The following UNC80 variants were observed in gnomAD, a reference collection of about 807,000 sequenced individuals.
The protein encoded by UNC80 is unc-80 subunit of NALCN channel complex.
In UNC80, 164 loss-of-function variants were observed where a neutral mutation model predicts 384.6. The observed-to-expected ratio is 0.43, with a 90% CI of 0.38 to 0.49. UNC80 has a LOEUF of 0.49. Ranked by LOEUF, UNC80 falls within the 20% of genes least tolerant of loss-of-function variation. UNC80 has a pLI of 0.00. For missense variants in UNC80, 3,330 were observed against 4,143.0 expected (o/e 0.80, Z 5.39); for synonymous variants, 1,486 against 1,527.8 (o/e 0.97, Z 0.64).
intron 47 of UNC80, among the ~76,000 whole-genome samples, chr2:209,946,710 T>C (rs2091931959): frequency 6.6e-6 from 1 of 152,218 alleles, no homozygotes. Context: ...GAATGAGTCA[T>C]CCCAATTCAA....
At chr2:209,793,230 G>C (rs1194071240) in intron 6 of UNC80, among the ~76,000 whole-genome samples, 9 of 152,136 alleles carry the variant, frequency 5.9e-5, no homozygotes, top group South Asian at 2.1e-4. Context: ...TCAGAATAAA[G>C]GTCATTGTGT....
At chr2:209,778,978 A>C (rs529113725) in intron 4 of UNC80, among the ~76,000 whole-genome samples, 2 of 152,370 alleles carry the variant, frequency 1.3e-5, no homozygotes, top group Admixed American at 1.3e-4. Context: ...TGCTAGGAGA[A>C]ATAGATTTGA....
chr2:209,898,086 A>T (rs2086984750), intron 28 of UNC80, among the ~76,000 whole-genome samples: 1 of 151,976 alleles, frequency 6.6e-6, no homozygotes, highest in Non-Finnish European at 1.5e-5. Flanking sequence ...ATTGTTTTTG[A>T]TATTGGTGGA....
chr2:209,928,115 C>T (rs1212271238), intron 36 of UNC80, among the ~76,000 whole-genome samples: 2 of 152,074 alleles, frequency 1.3e-5, no homozygotes, highest in Non-Finnish European at 2.9e-5. Context: ...GCAGGCAGAT[C>T]ACTTGAGATC....
chr2:209,864,580 G>A (rs2124868005), intron 22 of UNC80, among the ~76,000 whole-genome samples: 1 of 152,256 alleles, frequency 6.6e-6, no homozygotes, highest in South Asian at 2.1e-4. Context: ...GTTCCTGCAG[G>A]GAAACCCCAC....
intron 51 of UNC80, chr2:209,961,279 A>C (rs962422448): frequency 1.3e-5 from 2 of 151,236 alleles, no homozygotes; most frequent in Admixed American, 1.3e-4. Flanking sequence ...TGCCTGGCAC[A>C]GATCTGGACA....
rs112227859 is a variant in UNC80 at position 209,978,692 on chromosome 2, T to C, written c.9102T>C (p.Asp3034=). Residue 3034 remains aspartate (D), a synonymous_variant, in exon 59 of 65, where the codon GAT becomes GAC. Transcript: ENST00000673920. ...CGCAGGACACCCTGAGTCGGACTGATGAGGAAGATGAGGAAAGTAGGTCAT... is the reference window on the plus strand; with the variant it reads ...CGCAGGACACCCTGAGTCGGACTGACGAGGAAGATGAGGAAAGTAGGTCAT... ...QASQDTLSRT[D]EEDEENDSIS... is the part of the protein sequence containing the mutation. 3.9e-6 allele frequency: 6 copies of C among 1,536,460 alleles called. No individual in the cohort carries two copies. Among genetic ancestry groups the C allele is most frequent in the African/African-American group, 2.7e-5 (2 of 72,930 alleles).
In UNC80 at chr2:209,909,389, G is replaced by A. The variant is rs558754682; in HGVS notation, c.4783-3171G>A. On this transcript the variant is annotated intron_variant, in intron 29 of 64. Coordinates refer to ENST00000673920, the MANE Select transcript of UNC80 (RefSeq NM_001371986.1). ...AGGAAAAGAAACAGCTAAGCCTCAG[G>A]GAAATGAGAACCAAAGCTGCTGTCC... Among the ~76,000 whole-genome samples, 86 of 152,192 alleles carry A rather than the reference G, an allele frequency of 5.7e-4. 1 individual carries two copies. The highest frequency in any genetic ancestry group is 2.0e-3 in the African/African-American group (82 of 41,528).
rs568781552 is a variant in UNC80 at position 209,820,014 on chromosome 2, A to G, written c.1963-297A>G. On this transcript the variant is annotated intron_variant, in intron 12 of 64. Coordinates refer to ENST00000673920, the MANE Select transcript of UNC80 (RefSeq NM_001371986.1). ...TTGGACAAATAGTTACTCTCTCATTAACTCACTGTGCTTCAATATCCCCAT... is the reference window on the plus strand; with the variant it reads ...TTGGACAAATAGTTACTCTCTCATTGACTCACTGTGCTTCAATATCCCCAT... Among the ~76,000 whole-genome samples the G allele has an allele frequency of 2.0e-5, 3 of 152,354 alleles. No homozygotes were observed. In the South Asian group the frequency reaches 6.2e-4, roughly 32 times the overall value.
chr2:209,945,964 T>C, intron 47 of UNC80, 21 bp downstream of exon 47: 1 of 1,494,360 alleles, frequency 6.7e-7, no homozygotes, highest in Non-Finnish European at 9.1e-7. Context: ...CCCTTTATTC[T>C]GTGCCTTGTG....
intron 21 of UNC80, among the ~76,000 whole-genome samples, chr2:209,844,443 C>A (rs2081987319): frequency 7.8e-6 from 1 of 128,884 alleles, no homozygotes; most frequent in African/African-American, 3.5e-5. Context: ...TCTTTTCTTG[C>A]TCTTTTCTTT....
chr2:209,834,889 G>C, intron 17 of UNC80, 23 bp from the exon 18 acceptor site: 1 of 1,534,016 alleles, frequency 6.5e-7, no homozygotes, highest in Non-Finnish European at 8.8e-7. Context: ...TGCTGTAATT[G>C]TTGGAATGCA....
intron 53 of UNC80, 96 bp downstream of exon 53, chr2:209,969,987 C>T: frequency 2.8e-6 from 4 of 1,437,746 alleles, no homozygotes; most frequent in Non-Finnish European, 3.7e-6. Context: ...CCACTTTGTG[C>T]CCCTATCTGC....
At chr2:209,797,012 T>C (rs999655264) in intron 7 of UNC80, among the ~76,000 whole-genome samples, 5 of 152,164 alleles carry the variant, frequency 3.3e-5, no homozygotes. Context: ...ACCACTAATA[T>C]ACTTTTTATT....
At chr2:209,866,515 CACACACACACACACACACAG>C (rs1422042137) in intron 22 of UNC80, among the ~76,000 whole-genome samples, 3 of 139,494 alleles carry the variant, frequency 2.2e-5, no homozygotes, top group Non-Finnish European at 3.1e-5. Flanking sequence ...CACACACACA[CACACACACACACACACACAG>C]AGAGAGAGAG....
In UNC80 at chr2:209,955,732, TATATATACACACAC is replaced by T. The variant is rs1240356050; in HGVS notation, c.7457+1464_7457+1477del. On this transcript the variant is annotated intron_variant, in intron 48 of 64. Transcript: ENST00000673920. ...ATATATATATATATATATATATATA[TATATATACACACAC>T]ACACACACACACAGAGAGAGACTGA... Among the ~76,000 whole-genome samples the T allele has an allele frequency of 5.8e-3, 370 of 63,804 alleles. 12 individuals carry two copies. The highest frequency in any genetic ancestry group is 0.017 in the African/African-American group (163 of 9,460). The allele number at this position is 63,804 out of a possible 152,430, so 41.9% of individuals were successfully genotyped here.
At chr2:209,944,296 C>T (rs185932928) in intron 45 of UNC80, among the ~76,000 whole-genome samples, 1 of 152,272 alleles carries the variant, frequency 6.6e-6, no homozygotes, top group East Asian at 1.9e-4. Context: ...CTCTCTACCA[C>T]CTACCCTGCT....
chr2:209,987,223 A>G (rs1037474693), intron 61 of UNC80, among the ~76,000 whole-genome samples: 1 of 152,218 alleles, frequency 6.6e-6, no homozygotes. Context: ...GAGTGGGCTA[A>G]ATAAGGAAGA....
chr2:209,969,907 G>A lies in UNC80; in HGVS notation c.8130+16G>A, dbSNP rs1418226821. 6.4e-7 allele frequency: 1 copy of A among 1,550,882 alleles called. No homozygotes were observed. The highest frequency in any genetic ancestry group is 1.4e-5 in the African/African-American group (1 of 73,098). ...TGTCAATCTGGTGAGTAGCCAAGTG[G>A]CAATCTTATGAAACTTTGCACAATG... On this transcript the variant is annotated intron_variant, in intron 53 of 64. Coordinates refer to ENST00000673920, the MANE Select transcript of UNC80 (RefSeq NM_001371986.1).
Sources: gnomAD v4.1 joint callset for allele counts (sites outside exome capture counted in the v4.1 genomes callset) on GRCh38, gnomAD v4.1.1 for gene constraint, MANE v1.5 for transcripts, NCBI Gene and HGNC (gene_info 2026-07-23, HGNC 2026-07-21) for gene names.